FERMT2: variants seen among roughly 807,000 people sequenced by gnomAD.
FERMT2 encodes the protein FERM domain containing kindlin 2.
FERMT2 carries 15 observed loss-of-function variants against 82.7 expected under a neutral mutation model. That is an observed-to-expected ratio of 0.18 (90% CI 0.12 to 0.28). FERMT2 has a LOEUF of 0.28. Among genes scored for constraint, FERMT2 ranks in the 10% least tolerant of loss-of-function variants. The pLI is 1.00. For synonymous variants in FERMT2, 274 were observed against 271.5 expected (o/e 1.01, Z -0.09); for missense variants, 645 against 809.4 (o/e 0.80, Z 2.46).
rs150268217 is a variant in FERMT2 at position 52,912,603 on chromosome 14, C to T, written c.391+6520G>A. ...ATGGCTCACTGCGACCTCCACCTCC[C>T]GGTTCAAGCGATTCTCCTGCCTCAG... On this transcript the variant is annotated intron_variant, in intron 3 of 14. Coordinates refer to ENST00000341590, the MANE Select transcript of FERMT2 (RefSeq NM_006832.3). Among the ~76,000 whole-genome samples, 104 of 151,952 alleles carry T rather than the reference C, an allele frequency of 6.8e-4. 1 individual carries two copies. The East Asian group carries it at 7.7e-3, about 11-fold the overall frequency.
chr14:52,926,689 T>A lies in FERMT2; in HGVS notation c.158-7333A>T, dbSNP rs115263460. Among the ~76,000 whole-genome samples, 948 of 152,156 alleles carry A rather than the reference T, an allele frequency of 6.2e-3. 9 individuals are homozygous for A. The highest frequency in any genetic ancestry group is 0.022 in the African/African-American group (901 of 41,514). ...GAAGTAACCCATCACAAATACAAGC[T>A]TTCTCAAAAAGGCTCGGGGGTGGGG... On this transcript the variant is annotated intron_variant, in intron 2 of 14. Transcript: ENST00000341590.
At chr14:52,926,802 A>C (rs1889301376) in intron 2 of FERMT2, among the ~76,000 whole-genome samples, 2 of 152,224 alleles carry the variant, frequency 1.3e-5, no homozygotes, top group Non-Finnish European at 2.9e-5. Context: ...TTTACTTATA[A>C]ATTTGGCTTG....
chr14:52,917,801 G>A (rs1043473437), intron 3 of FERMT2, among the ~76,000 whole-genome samples: 2 of 152,180 alleles, frequency 1.3e-5, no homozygotes, highest in African/African-American at 4.8e-5. Flanking sequence ...AGAAATGGGT[G>A]AGGATTCAGA....
At chr14:52,886,042 TAAATA>T (rs1004104680) in intron 4 of FERMT2, among the ~76,000 whole-genome samples, 42 of 151,028 alleles carry the variant, frequency 2.8e-4, no homozygotes, top group African/African-American at 8.7e-4. Context: ...AGCAAAAATA[TAAATA>T]AAATAAAGAA....
At chr14:52,929,945 G>A (rs1889485069) in intron 2 of FERMT2, among the ~76,000 whole-genome samples, 1 of 152,036 alleles carries the variant, frequency 6.6e-6, no homozygotes, top group South Asian at 2.1e-4. Context: ...GGGCAGGCAA[G>A]AAATATTTAA....
intron 2 of FERMT2, among the ~76,000 whole-genome samples, chr14:52,941,692 A>G (rs1429969233): frequency 6.6e-6 from 1 of 152,258 alleles, no homozygotes; most frequent in Non-Finnish European, 1.5e-5. Flanking sequence ...AATTATTTAA[A>G]TAGGAATACT....
chr14:52,912,257 A>G (rs1235658568), intron 3 of FERMT2, among the ~76,000 whole-genome samples: 3 of 152,162 alleles, frequency 2.0e-5, no homozygotes, highest in Admixed American at 6.5e-5. Flanking sequence ...GTTTTCGACA[A>G]TTTCATAATC....
At chr14:52,890,399 G>A (rs559385410) in intron 4 of FERMT2, among the ~76,000 whole-genome samples, 26 of 140,314 alleles carry the variant, frequency 1.9e-4, no homozygotes, top group African/African-American at 3.7e-4. Flanking sequence ...AGCCGAGATC[G>A]CAGCCACTGC....
chr14:52,917,857 C>G (rs1888703562), intron 3 of FERMT2, among the ~76,000 whole-genome samples: 1 of 152,162 alleles, frequency 6.6e-6, no homozygotes, highest in Non-Finnish European at 1.5e-5. Flanking sequence ...AGGCAGGGCT[C>G]TGGGTTAAGA....
At chr14:52,925,408 A>C (rs1428601777) in intron 2 of FERMT2, among the ~76,000 whole-genome samples, 2 of 151,932 alleles carry the variant, frequency 1.3e-5, no homozygotes, top group East Asian at 3.9e-4. Context: ...AAATACAAAA[A>C]TTAGCTGGGC....
At position 52,904,139 on chromosome 14, in the gene FERMT2, G is replaced by T. The variant is rs187088973; in HGVS notation, c.392-10712C>A. ...CTGGCGCCTGTAATCCCAGCACTTT[G>T]GGAGGCCGAGGTGGGTGGATCACCT... On this transcript the variant is annotated intron_variant, in intron 3 of 14. Coordinates refer to ENST00000341590, the MANE Select transcript of FERMT2 (RefSeq NM_006832.3). 1.8e-3 allele frequency among the ~76,000 whole-genome samples: 269 copies of T among 152,232 alleles called. 1 individual carries two copies. Among genetic ancestry groups the T allele is most frequent in the African/African-American group, 5.6e-3 (234 of 41,558 alleles).
rs528293880 is a variant in FERMT2 at position 52,926,460 on chromosome 14, C to T, written c.158-7104G>A. ...CACACACACACACACACACACTCAG[C>T]CTGGCACTTGGCCAGAAGTTAGCAA... On this transcript the variant is annotated intron_variant, in intron 2 of 14. Coordinates refer to ENST00000341590, the MANE Select transcript of FERMT2 (RefSeq NM_006832.3). Among the ~76,000 whole-genome samples, 50 of 147,516 alleles carry T rather than the reference C, an allele frequency of 3.4e-4. 2 individuals are homozygous for T. In the South Asian group the frequency reaches 9.6e-3, roughly 28 times the overall value.
intron 4 of FERMT2, among the ~76,000 whole-genome samples, chr14:52,884,220 T>C (rs1220317251): frequency 6.6e-6 from 1 of 152,232 alleles, no homozygotes; most frequent in Non-Finnish European, 1.5e-5. Flanking sequence ...AACTCTATTA[T>C]TCTCACTTCA....
intron 3 of FERMT2, among the ~76,000 whole-genome samples, chr14:52,902,264 G>A (rs575647633): frequency 7.2e-5 from 11 of 151,986 alleles, no homozygotes; most frequent in Admixed American, 7.2e-4. Context: ...ATGATGGCGT[G>A]CATCTGTAGT....
At chr14:52,885,129 A>G (rs1345199507) in intron 4 of FERMT2, among the ~76,000 whole-genome samples, 1 of 151,992 alleles carries the variant, frequency 6.6e-6, no homozygotes, top group Non-Finnish European at 1.5e-5. Flanking sequence ...CCTAGCCAAC[A>G]TGGTGAAACC....
intron 2 of FERMT2, among the ~76,000 whole-genome samples, chr14:52,941,062 G>A (rs906158758): frequency 6.6e-6 from 1 of 152,170 alleles, no homozygotes; most frequent in Non-Finnish European, 1.5e-5. Context: ...CTAAAACTGG[G>A]AGTAACCCAA....
rs149388039 is a variant in FERMT2, at chr14:52,925,715, T to C, written c.158-6359A>G. Among the ~76,000 whole-genome samples the C allele has an allele frequency of 5.3e-3, 801 of 152,222 alleles. 10 individuals are homozygous for C. Among genetic ancestry groups the C allele is most frequent in the African/African-American group, 0.019 (769 of 41,546 alleles). Reference sequence around the variant, plus strand: ...GAGCAGTGATGTGATCTCAACTCATTGCAACCTCCACTTCCCGGGTTCAAG... The same window carrying C: ...GAGCAGTGATGTGATCTCAACTCATCGCAACCTCCACTTCCCGGGTTCAAG... On this transcript the variant is annotated intron_variant, in intron 2 of 14. Coordinates refer to ENST00000341590, the MANE Select transcript of FERMT2 (RefSeq NM_006832.3).
At chr14:52,881,941 T>C (rs1886325160) in intron 4 of FERMT2, 1 of 416,834 alleles carries the variant, frequency 2.4e-6, no homozygotes, top group Non-Finnish European at 4.3e-6. Context: ...TTTCCCTAAT[T>C]GTGAATCATA....
intron 4 of FERMT2, among the ~76,000 whole-genome samples, chr14:52,892,945 T>C (rs1402442381): frequency 6.6e-6 from 1 of 152,208 alleles, no homozygotes; most frequent in Non-Finnish European, 1.5e-5. Context: ...GATTTGCACA[T>C]GAGAGAAACT....
Sources: allele counts gnomAD v4.1 joint callset (sites outside exome capture counted in the v4.1 genomes callset), GRCh38; gene constraint gnomAD v4.1.1; transcripts MANE v1.5; gene names NCBI Gene and HGNC (gene_info 2026-07-23, HGNC 2026-07-21).